The following SPATA16 variants were observed in gnomAD, a reference collection of about 807,000 sequenced individuals.
SPATA16 encodes the protein spermatogenesis associated 16, also known as spermatogenesis-associated protein 16.
Under a neutral mutation model 63.3 loss-of-function variants are expected in SPATA16, and 36 were observed. The ratio of observed to expected loss-of-function variants is 0.57; its 90% confidence interval spans 0.44 to 0.75. SPATA16 has a LOEUF of 0.75. Ranked by LOEUF, SPATA16 falls within the 30% of genes least tolerant of loss-of-function variation. The pLI is 0.00. For synonymous variants in SPATA16, 203 were observed against 216.7 expected (o/e 0.94, Z 0.56); for missense variants, 646 against 679.3 (o/e 0.95, Z 0.54).
At position 173,124,848 on chromosome 3, in the gene SPATA16, A is replaced by C. The variant is rs959798000; in HGVS notation, c.-18-7099T>G. The stretch of plus-strand genomic sequence containing the variant: ...CTTTTCTCTTCCACCAAGAGCCCAC[A>C]TGGAGCCCCTTCTTTTCTCCAGCTA... On this transcript the variant is annotated intron_variant, in intron 1 of 10. Transcript: ENST00000351008. Among the ~76,000 whole-genome samples the C allele has an allele frequency of 2.0e-5, 3 of 151,952 alleles. No individual in the cohort carries two copies. The South Asian group carries it at 6.2e-4, about 32-fold the overall frequency.
chr3:173,043,130 A>G (rs1482120618), intron 3 of SPATA16, among the ~76,000 whole-genome samples: 1 of 152,044 alleles, frequency 6.6e-6, no homozygotes, highest in Non-Finnish European at 1.5e-5. Context: ...TTTAACTGGA[A>G]TTTTCAATCA....
In SPATA16 at chr3:173,020,691, T is replaced by G. The variant is rs1182283974; in HGVS notation, c.759-1116A>C. ...ATGGGTAGGTATTGCTCAAGGTGTT[T>G]GATATAACAGGGTCAACTAGCTGGA... On this transcript the variant is annotated intron_variant, in intron 3 of 10. Coordinates refer to ENST00000351008, the MANE Select transcript of SPATA16 (RefSeq NM_031955.6). Among the ~76,000 whole-genome samples the G allele has an allele frequency of 2.0e-5, 3 of 152,322 alleles. No individual in the cohort carries two copies. The East Asian group carries it at 5.8e-4, about 29-fold the overall frequency.
At chr3:172,974,222 C>T (rs1482338273) in intron 5 of SPATA16, among the ~76,000 whole-genome samples, 1 of 151,962 alleles carries the variant, frequency 6.6e-6, no homozygotes, top group Non-Finnish European at 1.5e-5. Flanking sequence ...TTTTCCATTT[C>T]CTGTTAAGAA....
At chr3:173,037,117 A>G (rs1735730964) in intron 3 of SPATA16, among the ~76,000 whole-genome samples, 1 of 152,022 alleles carries the variant, frequency 6.6e-6, no homozygotes, top group South Asian at 2.1e-4. Context: ...GTAAATAGTC[A>G]AAATTTGGAT....
chr3:173,028,904 A>G (rs544605385), intron 3 of SPATA16, among the ~76,000 whole-genome samples: 83 of 152,180 alleles, frequency 5.5e-4, no homozygotes, highest in Admixed American at 1.4e-3. Flanking sequence ...TAGTGTGTGA[A>G]GAATATGGAA....
chr3:172,979,129 C>G (rs1344934625), intron 4 of SPATA16, among the ~76,000 whole-genome samples: 1 of 151,906 alleles, frequency 6.6e-6, no homozygotes, highest in Non-Finnish European at 1.5e-5. Context: ...CCCAGCTACT[C>G]GGGAGGCTGA....
intron 1 of SPATA16, among the ~76,000 whole-genome samples, chr3:173,125,445 C>G (rs1298882163): frequency 1.3e-5 from 2 of 152,168 alleles, no homozygotes; most frequent in Non-Finnish European, 2.9e-5. Flanking sequence ...GAATCGAATA[C>G]AATCTCTGAT....
chr3:173,106,538 G>A (rs1351892840), intron 2 of SPATA16, among the ~76,000 whole-genome samples: 1 of 152,134 alleles, frequency 6.6e-6, no homozygotes, highest in African/African-American at 2.4e-5. Context: ...TATTTTTTAT[G>A]TCCTTTGCTG....
At chr3:173,014,375 C>A (rs1429178129) in intron 4 of SPATA16, among the ~76,000 whole-genome samples, 1 of 152,058 alleles carries the variant, frequency 6.6e-6, no homozygotes, top group African/African-American at 2.4e-5. Context: ...TAAGTAGGAG[C>A]TAAACTTTGG....
rs367787587 is a variant in SPATA16 at position 172,922,034 on chromosome 3, T to C, written c.1338+2174A>G. On this transcript the variant is annotated intron_variant, in intron 8 of 10. Transcript: ENST00000351008. ...GGGTCTTAAAAACACTACAGAGGGC[T>C]CCTTGGGTTACAGTCAATGGTACCG... is the stretch of plus-strand genomic sequence containing the variant. 5.7e-4 allele frequency among the ~76,000 whole-genome samples: 87 copies of C among 152,360 alleles called. 1 individual carries two copies. In the South Asian group the frequency reaches 0.018, roughly 31 times the overall value.
At chr3:173,087,852 C>T (rs1425524085) in intron 2 of SPATA16, among the ~76,000 whole-genome samples, 1 of 152,110 alleles carries the variant, frequency 6.6e-6, no homozygotes, top group African/African-American at 2.4e-5. Context: ...ATATTGGCCT[C>T]CAATCTCTTC....
intron 8 of SPATA16, among the ~76,000 whole-genome samples, chr3:172,918,620 CT>C (rs1216613096): frequency 6.6e-6 from 1 of 151,808 alleles, no homozygotes; most frequent in Non-Finnish European, 1.5e-5. Flanking sequence ...TGTTTTAATG[CT>C]GTTGCTTTAA....
chr3:173,135,216 T>C (rs6770106), intron 1 of SPATA16, among the ~76,000 whole-genome samples: 32,425 of 152,040 alleles, frequency 0.21, 4,027 homozygotes, highest in African/African-American at 0.34. Flanking sequence ...AGTTATTAAC[T>C]CCCATTAGTC....
chr3:173,054,223 C>T (rs1736163459), intron 2 of SPATA16, among the ~76,000 whole-genome samples: 2 of 152,056 alleles, frequency 1.3e-5, no homozygotes, highest in Non-Finnish European at 2.9e-5. Context: ...AACTGACATA[C>T]ATACATAAAT....
intron 4 of SPATA16, among the ~76,000 whole-genome samples, chr3:173,012,293 G>GA (rs1407111830): frequency 6.6e-6 from 1 of 152,106 alleles, no homozygotes; most frequent in Non-Finnish European, 1.5e-5. Flanking sequence ...CAAATAAATG[G>GA]AAAAACATGC....
At chr3:173,135,663 G>T (rs529506595) in intron 1 of SPATA16, among the ~76,000 whole-genome samples, 1 of 152,236 alleles carries the variant, frequency 6.6e-6, no homozygotes, top group African/African-American at 2.4e-5. Context: ...AATAAAACAT[G>T]GAGTGAAAGA....
At chr3:173,027,330 T>A (rs1048882960) in intron 3 of SPATA16, among the ~76,000 whole-genome samples, 8 of 152,022 alleles carry the variant, frequency 5.3e-5, no homozygotes, top group Non-Finnish European at 1.2e-4. Context: ...ACTTTGGGAT[T>A]TTCTAAATAG....
chr3:173,030,399 CT>C (rs1735577781), intron 3 of SPATA16, among the ~76,000 whole-genome samples: 1 of 151,848 alleles, frequency 6.6e-6, no homozygotes, highest in Admixed American at 6.6e-5. Flanking sequence ...AAAGACAACC[CT>C]GTTAAAAATG....
chr3:172,949,132 A>G (rs956887895), intron 6 of SPATA16, among the ~76,000 whole-genome samples: 6 of 152,126 alleles, frequency 3.9e-5, no homozygotes, highest in Non-Finnish European at 7.3e-5. Flanking sequence ...TTTTGACTTG[A>G]TGTTTACTCC....
Sources: gnomAD v4.1 joint callset for allele counts (sites outside exome capture counted in the v4.1 genomes callset) on GRCh38, gnomAD v4.1.1 for gene constraint, MANE v1.5 for transcripts, NCBI Gene and HGNC (gene_info 2026-07-23, HGNC 2026-07-21) for gene names.